The following TRPM6 variants were observed in gnomAD, a reference collection of about 807,000 sequenced individuals.
TRPM6 encodes the protein channel kinase 2.
Under a neutral mutation model 247.6 loss-of-function variants are expected in TRPM6, and 111 were observed. That is an observed-to-expected ratio of 0.45 (90% CI 0.38 to 0.52). The LOEUF is 0.52. Among genes scored for constraint, TRPM6 ranks in the 20% least tolerant of loss-of-function variants. TRPM6 has a pLI of 0.00. For synonymous variants in TRPM6, 892 were observed against 853.8 expected (o/e 1.04, Z -0.78); for missense variants, 2,126 against 2,421.5 (o/e 0.88, Z 2.56).
At chr9:74,758,583 T>C (rs1038646226) in intron 27 of TRPM6, among the ~76,000 whole-genome samples, 2 of 152,130 alleles carry the variant, frequency 1.3e-5, no homozygotes, top group African/African-American at 2.4e-5. Context: ...AAGGCTAATA[T>C]CCATGAATGA....
chr9:74,864,939 C>G (rs4745362), intron 1 of TRPM6, among the ~76,000 whole-genome samples: 132,602 of 151,884 alleles, frequency 0.87, 57,973 homozygotes, highest in Middle Eastern at 0.93. Flanking sequence ...CACGCGCAGT[C>G]GTGGGCGCCT....
intron 6 of TRPM6, among the ~76,000 whole-genome samples, chr9:74,832,198 T>C (rs1044257388): frequency 6.6e-6 from 1 of 151,936 alleles, no homozygotes; most frequent in Non-Finnish European, 1.5e-5. Context: ...ATCTGGAAAA[T>C]CCAAGCTGGA....
chr9:74,872,517 C>T (rs1397259984), intron 1 of TRPM6, among the ~76,000 whole-genome samples: 1 of 152,006 alleles, frequency 6.6e-6, no homozygotes, highest in Non-Finnish European at 1.5e-5. Flanking sequence ...GCAACCTCCG[C>T]CTCGCAATGC....
At chr9:74,753,811 C>G (rs1826347434) in intron 28 of TRPM6, among the ~76,000 whole-genome samples, 1 of 152,042 alleles carries the variant, frequency 6.6e-6, no homozygotes, top group South Asian at 2.1e-4. Context: ...TTCAAAAAAA[C>G]AAGCTTCTCA....
chr9:74,728,400 C>A, intron 37 of TRPM6, 55 bp from the exon 38 acceptor site: 1 of 1,284,488 alleles, frequency 7.8e-7, no homozygotes. Flanking sequence ...AGGAGCTCAA[C>A]TAGGATTCTC....
intron 3 of TRPM6, among the ~76,000 whole-genome samples, chr9:74,845,840 A>G (rs1259843409): frequency 6.6e-6 from 1 of 152,154 alleles, no homozygotes; most frequent in Non-Finnish European, 1.5e-5. Context: ...ACAAAACGAA[A>G]AGTAAGAATA....
Position 74,732,734 on chromosome 9 carries a change from C to A in TRPM6, c.5779G>T (p.Val1927Phe). ...GATGGATCTGTCAAATTTTCTCCAA[C>A]ACCTCAAAAGAAGAAACAAAATTCG... The part of the protein sequence containing the change: ...GELLVLDLQG[V>F]GENLTDPSVI... Residue 1927 changes from valine (V) to phenylalanine (F), a missense_variant and splice_region_variant, in exon 37 of 39, where the codon GTT becomes TTT. Val to Phe is a conservative substitution (Grantham distance 50, BLOSUM62 -1). Around this residue, in one of 3 missense-constraint regions of TRPM6, gnomAD observed 327 missense variants for 397.7 expected, o/e 0.82. Transcript: ENST00000360774. 1 of 1,608,812 alleles carries A rather than the reference C, an allele frequency of 6.2e-7. No homozygotes were observed.
intron 20 of TRPM6, among the ~76,000 whole-genome samples, chr9:74,787,713 G>GTTTTGT (rs1417524825): frequency 6.6e-6 from 1 of 152,038 alleles, no homozygotes; most frequent in Admixed American, 6.6e-5. Context: ...CTAGTTTTTG[G>GTTTTGT]TTTTGTTTTT....
At chr9:74,866,921 A>T (rs1280386185) in intron 1 of TRPM6, among the ~76,000 whole-genome samples, 1 of 152,220 alleles carries the variant, frequency 6.6e-6, no homozygotes, top group African/African-American at 2.4e-5. Flanking sequence ...CCACATATGA[A>T]ATTAAAACTG....
intron 24 of TRPM6, among the ~76,000 whole-genome samples, chr9:74,774,250 G>A (rs1191013223): frequency 1.3e-5 from 2 of 152,104 alleles, no homozygotes; most frequent in African/African-American, 2.4e-5. Flanking sequence ...CCCAGGAAAC[G>A]TTCTTTCATG....
rs140209510 is a variant in TRPM6, at chr9:74,886,615, A to G, written c.33+1209T>C. Among the ~76,000 whole-genome samples, 4 of 152,004 alleles carry G rather than the reference A, an allele frequency of 2.6e-5. No homozygotes were observed. The East Asian group carries it at 7.8e-4, about 29-fold the overall frequency. On this transcript the variant is annotated intron_variant, in intron 1 of 38. Transcript: ENST00000360774. The stretch of plus-strand genomic sequence containing the variant: ...CTTTGGTTTCATTTTCCTCACCTGT[A>G]AACCGGTGGAGATGGGAGAGACAGG...
intron 25 of TRPM6, among the ~76,000 whole-genome samples, chr9:74,770,089 T>C (rs1802975190): frequency 2.6e-5 from 4 of 152,228 alleles, no homozygotes; most frequent in Admixed American, 1.3e-4. Flanking sequence ...TTTTTCTCCA[T>C]ATTAAATTTA....
At position 74,752,326 on chromosome 9, in the gene TRPM6, A is replaced by G. The variant is rs1181741308; in HGVS notation, c.4949T>C (p.Ile1650Thr). Residue 1650 changes from isoleucine to threonine, a missense_variant, in exon 29 of 39, where the codon ATT becomes ACT. This residue lies in a region of TRPM6 where 717 missense variants were observed against 715.9 expected (regional missense o/e 1.00). Coordinates refer to ENST00000360774, the MANE Select transcript of TRPM6 (RefSeq NM_017662.5). ...YIHQKMKTKE[I>T]GQCAIQISDY... ...ACTGATTTGTATAGCACATTGTCCA[A>G]TTTCTTTAGTTTTCATTTTCTGATG... The G allele has an allele frequency of 3.1e-6, 5 of 1,602,370 alleles. No homozygotes were observed. In the Admixed American group the frequency reaches 6.7e-5, roughly 21 times the overall value.
At chr9:74,775,808 A>C (rs762955192) in intron 24 of TRPM6, 75 bp downstream of exon 24, 1 of 1,476,426 alleles carries the variant, frequency 6.8e-7, no homozygotes, top group East Asian at 2.3e-5. Context: ...AACTTAATTT[A>C]TAATACTCCA....
intron 31 of TRPM6, 143 bp from the exon 32 acceptor site, chr9:74,744,288 T>C: frequency 1.2e-6 from 1 of 842,286 alleles, no homozygotes; most frequent in South Asian, 1.4e-5. Flanking sequence ...CTAATATTTT[T>C]TAACCACAGT....
In TRPM6 at chr9:74,724,682, T is replaced by C; in HGVS notation, c.6000A>G (p.Ile2000Met). 1 of 1,614,228 alleles carries C rather than the reference T, an allele frequency of 6.2e-7. No homozygotes were observed. The highest frequency in any genetic ancestry group is 8.5e-7 in the Non-Finnish European group (1 of 1,180,026). Residue 2000 changes from isoleucine to methionine, a missense_variant, in exon 39 of 39, where the codon ATA (isoleucine) becomes ATG (methionine). By Grantham distance (10) the Ile-to-Met change is conservative. Around this residue, in one of 3 missense-constraint regions of TRPM6, gnomAD observed 327 missense variants for 397.7 expected, o/e 0.82. Coordinates refer to ENST00000360774, the MANE Select transcript of TRPM6 (RefSeq NM_017662.5). Reference sequence around the variant, plus strand: ...TTGCTGGAGGCTCCTCAGCTGATTCTATTTTTATCTCAAGTCCAAAGGTGG... The same window carrying C: ...TTGCTGGAGGCTCCTCAGCTGATTCCATTTTTATCTCAAGTCCAAAGGTGG... ...INSTFGLEIK[I>M]ESAEEPPARE...
At chr9:74,808,571 A>G (rs905603073) in intron 13 of TRPM6, among the ~76,000 whole-genome samples, 3 of 152,204 alleles carry the variant, frequency 2.0e-5, no homozygotes, top group Non-Finnish European at 2.9e-5. Flanking sequence ...AAACAAATAA[A>G]TATGTATATA....
At position 74,780,555 on chromosome 9, in the gene TRPM6, T is replaced by A. The variant is rs566371090; in HGVS notation, c.3209+1807A>T. ...TACCCAGAAGTAAAATGGGAGGCAC[T>A]GAAGAGTTTGGAGCAGAAGAGTAAT... On this transcript the variant is annotated intron_variant, in intron 23 of 38. Coordinates refer to ENST00000360774, the MANE Select transcript of TRPM6 (RefSeq NM_017662.5). Among the ~76,000 whole-genome samples the A allele has an allele frequency of 4.7e-4, 72 of 152,232 alleles. 1 individual carries two copies. The highest frequency in any genetic ancestry group is 1.7e-3 in the African/African-American group (70 of 41,530).
At chr9:74,792,531 T>A in intron 19 of TRPM6, 93 bp downstream of exon 19, 1 of 1,400,048 alleles carries the variant, frequency 7.1e-7, no homozygotes, top group Non-Finnish European at 1.0e-6. Context: ...TTCTACATTT[T>A]TAATGCAAAG....
Sources: allele counts gnomAD v4.1 joint callset (sites outside exome capture counted in the v4.1 genomes callset), GRCh38; gene constraint gnomAD v4.1.1; regional missense constraint gnomAD v4.1.1; transcripts MANE v1.5; gene names NCBI Gene and HGNC (gene_info 2026-07-23, HGNC 2026-07-21).